The following PATJ variants were observed in gnomAD, a reference collection of about 807,000 sequenced individuals.
PATJ encodes the protein PATJ crumbs cell polarity complex component, also known as inaD-like protein.
In PATJ, 190 loss-of-function variants were observed where a neutral mutation model predicts 224.9. The observed-to-expected ratio is 0.84, with a 90% confidence interval of 0.75 to 0.95. PATJ has a LOEUF of 0.95. Ranked by LOEUF, PATJ falls within the 40% of genes least tolerant of loss-of-function variation. The pLI, the probability that PATJ is intolerant of heterozygous loss-of-function variation, is 0.00. For missense variants in PATJ, 2,121 were observed against 2,270.3 expected, an observed-to-expected ratio of 0.93 and a Z score of 1.34; for synonymous variants, 769 against 820.3, an observed-to-expected ratio of 0.94 and a Z score of 1.07.
intron 7 of PATJ, among the ~76,000 whole-genome samples, chr1:61,781,886 C>T (rs571124988): frequency 2.6e-5 from 4 of 152,264 alleles, no homozygotes; most frequent in South Asian, 2.1e-4. Flanking sequence ...TCCACGAGTC[C>T]GCTCCCCATG....
chr1:61,833,900 A>C (rs1008842074), intron 17 of PATJ, 115 bp downstream of exon 17: 1 of 818,930 alleles, frequency 1.2e-6, no homozygotes, highest in Non-Finnish European at 1.9e-6. Flanking sequence ...AATCCCAAAG[A>C]TGGGATATTA....
At position 61,788,650 on chromosome 1, in the gene PATJ, TTTTGTTTG is replaced by T. The variant is rs937318952; in HGVS notation, c.1068+690_1068+697del. Reference sequence around the variant, plus strand: ...TAAAGTAAAAGCAAAGAAATAAGTTTTTTGTTTGTTTGTTTGTTTTGTTTTGTTTTGTT... The same window carrying T: ...TAAAGTAAAAGCAAAGAAATAAGTTTTTTGTTTGTTTTGTTTTGTTTTGTT... On this transcript the variant is annotated intron_variant, in intron 8 of 43. Coordinates refer to ENST00000642238, the MANE Select transcript of PATJ (RefSeq NM_001350145.3). Among the ~76,000 whole-genome samples, 3 of 151,794 alleles carry T rather than the reference TTTTGTTTG, an allele frequency of 2.0e-5. No homozygotes were observed. The South Asian group carries it at 6.2e-4, about 31-fold the overall frequency.
intron 7 of PATJ, 136 bp downstream of exon 7, chr1:61,775,470 A>G: frequency 1.4e-6 from 1 of 718,684 alleles, no homozygotes. Flanking sequence ...AAAATGATTT[A>G]TTCTGTAAGT....
At chr1:62,071,728 G>A (rs764430495) in intron 31 of PATJ, among the ~76,000 whole-genome samples, 3 of 152,096 alleles carry the variant, frequency 2.0e-5, no homozygotes, top group African/African-American at 4.8e-5. Context: ...GTGATCCACC[G>A]CCCCCACCTT....
At chr1:61,937,649 TC>T (rs1326601824) in intron 27 of PATJ, among the ~76,000 whole-genome samples, 2 of 81,052 alleles carry the variant, frequency 2.5e-5, no homozygotes, top group South Asian at 9.1e-4. Flanking sequence ...ACTTTCTTCT[TC>T]TTTTTTTTTT....
At chr1:61,913,552 C>G (rs1673003253) in intron 25 of PATJ, among the ~76,000 whole-genome samples, 1 of 152,098 alleles carries the variant, frequency 6.6e-6, no homozygotes, top group Non-Finnish European at 1.5e-5. Context: ...GATTTTATGC[C>G]AAGATTATCT....
At chr1:62,076,930 G>A (rs115136289) in intron 31 of PATJ, among the ~76,000 whole-genome samples, 4 of 152,308 alleles carry the variant, frequency 2.6e-5, no homozygotes, top group Admixed American at 1.3e-4. Context: ...TAGCATAAGA[G>A]TCTGTGTGTG....
rs796985047 is a variant in PATJ at position 62,041,529 on chromosome 1, C to G, written c.4032+3480C>G. On this transcript the variant is annotated intron_variant, in intron 30 of 43. Transcript: ENST00000642238. ...ATCCTTGATGTTTTGGAGGTTGAGT[C>G]AAACTTGATTAATTAAACGAGGGAG... 1.1e-4 allele frequency among the ~76,000 whole-genome samples: 16 copies of G among 152,234 alleles called. No individual in the cohort carries two copies. In the East Asian group the frequency reaches 2.1e-3, roughly 20 times the overall value.
chr1:62,158,708 G>C (rs537061902), intron 43 of PATJ, among the ~76,000 whole-genome samples: 2 of 121,998 alleles, frequency 1.6e-5, no homozygotes, highest in Non-Finnish European at 3.3e-5. Flanking sequence ...GCGACAGAGC[G>C]AGACTCTGTC....
At chr1:61,791,174 T>A (rs1037044757) in intron 8 of PATJ, among the ~76,000 whole-genome samples, 174 bp from the exon 9 acceptor site, 3 of 152,208 alleles carry the variant, frequency 2.0e-5, no homozygotes, top group African/African-American at 7.2e-5. Context: ...CATTTTGCCA[T>A]GTAATATGGC....
At chr1:61,904,498 T>C (rs546259953) in intron 24 of PATJ, among the ~76,000 whole-genome samples, 25 of 152,256 alleles carry the variant, frequency 1.6e-4, no homozygotes, top group Non-Finnish European at 3.2e-4. Flanking sequence ...TACAGTTTTA[T>C]CACATGTAAA....
rs1645076128 is a variant in PATJ, at chr1:61,991,735, C to T, written c.3867+1371C>T. 3 of 983,682 alleles carry T rather than the reference C, an allele frequency of 3.0e-6. No individual in the cohort carries two copies. In the Admixed American group the frequency reaches 1.8e-4, roughly 61 times the overall value. 60.9% of individuals were successfully genotyped at this position (983,682 alleles called of 1,614,324 possible). A position where few individuals can be genotyped will look rare whatever the true frequency, so the allele number is the denominator to read the frequency against. On this transcript the variant is annotated intron_variant, in intron 28 of 43. Coordinates refer to ENST00000642238, the MANE Select transcript of PATJ (RefSeq NM_001350145.3). ...GGGTCGTAACACTGACTAGCATAAT[C>T]ATTACATAAATAAAGTCAAAGATGA...
chr1:61,952,434 G>A (rs1679853265), intron 27 of PATJ: 1 of 717,250 alleles, frequency 1.4e-6, no homozygotes, highest in African/African-American at 1.7e-5. Context: ...TTGCCTGTGT[G>A]ATCTGTGGTT....
chr1:61,820,468 G>A (rs1209372393), intron 14 of PATJ, among the ~76,000 whole-genome samples: 4 of 151,968 alleles, frequency 2.6e-5, no homozygotes, highest in African/African-American at 4.8e-5. Flanking sequence ...TCAGCCTCCC[G>A]AATAGCTGGG....
intron 27 of PATJ, among the ~76,000 whole-genome samples, chr1:61,989,365 G>A (rs535215061): frequency 3.1e-4 from 47 of 152,264 alleles, no homozygotes; most frequent in Non-Finnish European, 6.0e-4. Flanking sequence ...TGTATTCATT[G>A]TTAGATATTG....
intron 19 of PATJ, among the ~76,000 whole-genome samples, chr1:61,862,397 A>G (rs1480455049): frequency 6.6e-6 from 1 of 152,020 alleles, no homozygotes; most frequent in Non-Finnish European, 1.5e-5. Flanking sequence ...GGGTTTCGCC[A>G]CGTTGGCCAG....
intron 14 of PATJ, among the ~76,000 whole-genome samples, chr1:61,818,999 C>G (rs551082560): frequency 6.6e-6 from 1 of 152,214 alleles, no homozygotes; most frequent in Non-Finnish European, 1.5e-5. Flanking sequence ...TAATTTGGAC[C>G]CTTATTTCTA....
intron 37 of PATJ, 30 bp downstream of exon 37, chr1:62,117,248 C>T (rs2148901279): frequency 1.9e-6 from 3 of 1,613,402 alleles, no homozygotes; most frequent in Non-Finnish European, 2.5e-6. Flanking sequence ...CAGACTGACT[C>T]ACTCTTCTGC....
rs1208144024 is a variant in PATJ at position 62,028,662 on chromosome 1, G to C, written c.3960-9315G>C. 2.6e-5 allele frequency among the ~76,000 whole-genome samples: 4 copies of C among 151,968 alleles called. No individual in the cohort carries two copies. In the East Asian group the frequency reaches 7.7e-4, roughly 29 times the overall value. ...GCCCAGTGTGGTGGCACACACCTGT[G>C]GTCCCAGTTTCTTGGGAATCTGAGG... is the stretch of plus-strand genomic sequence containing the variant. On this transcript the variant is annotated intron_variant, in intron 29 of 43. Transcript: ENST00000642238.
Sources: allele counts gnomAD v4.1 joint callset (sites outside exome capture counted in the v4.1 genomes callset), GRCh38; gene constraint gnomAD v4.1.1; transcripts MANE v1.5; gene names NCBI Gene and HGNC (gene_info 2026-07-23, HGNC 2026-07-21).